Variants in ELF2 observed in about 807,000 individuals in gnomAD.
ELF2 encodes the protein ETS-related transcription factor Elf-2.
ELF2 carries 11 observed loss-of-function variants against 54.8 expected under a neutral mutation model. That is an observed-to-expected ratio of 0.20 (90% CI 0.13 to 0.33). The LOEUF (loss-of-function observed/expected upper bound fraction) is 0.33, where lower values mean the gene tolerates loss of function less well. Among genes scored for constraint, ELF2 ranks in the 10% least tolerant of loss-of-function variants. The probability of loss-of-function intolerance (pLI) is 1.00; values close to 1 mark genes in which losing one functional copy is unlikely to be tolerated. For synonymous variants in ELF2, 203 were observed against 245.1 expected, an observed-to-expected ratio of 0.83 and a Z score of 1.61; for missense variants, 513 against 703.0, an observed-to-expected ratio of 0.73 and a Z score of 3.06.
At chr4:139,130,466 T>A (rs1033166553) in intron 3 of ELF2, among the ~76,000 whole-genome samples, 1 of 152,220 alleles carries the variant, frequency 6.6e-6, no homozygotes, top group Admixed American at 6.5e-5. Flanking sequence ...CTTTTGCTCA[T>A]GTTATTTTGT....
chr4:139,102,050 C>A (rs991564022), intron 4 of ELF2: 6 of 151,792 alleles, frequency 4.0e-5, no homozygotes, highest in African/African-American at 1.5e-4. Context: ...GAAATTACCA[C>A]CTTTTAATTT....
At chr4:139,167,806 C>T (rs1560891164) in intron 1 of ELF2, among the ~76,000 whole-genome samples, 1 of 152,202 alleles carries the variant, frequency 6.6e-6, no homozygotes, top group Non-Finnish European at 1.5e-5. Context: ...AATGCCTTAA[C>T]CAGAGACATT....
At chr4:139,062,139 T>C (rs1452988115) in intron 7 of ELF2, 82 bp from the exon 8 acceptor site, 16 of 1,350,294 alleles carry the variant, frequency 1.2e-5, no homozygotes, top group Non-Finnish European at 1.6e-5. Flanking sequence ...GTGTCCTTCA[T>C]TGTATCATAA....
intron 4 of ELF2, among the ~76,000 whole-genome samples, chr4:139,107,965 G>GA (rs370955690): frequency 3.1e-4 from 42 of 137,158 alleles, no homozygotes; most frequent in Non-Finnish European, 4.0e-4. Flanking sequence ...CAGGAGAAGA[G>GA]AAAAAAAAAA....
intron 3 of ELF2, among the ~76,000 whole-genome samples, chr4:139,134,565 T>TATTG (rs1306968946): frequency 2.0e-5 from 3 of 147,862 alleles, no homozygotes; most frequent in African/African-American, 7.6e-5. Context: ...TTATTTTATG[T>TATTG]TATTTTATTT....
intron 1 of ELF2, among the ~76,000 whole-genome samples, chr4:139,144,064 C>T (rs1039821938): frequency 6.6e-6 from 1 of 151,858 alleles, no homozygotes; most frequent in South Asian, 2.1e-4. Context: ...GAACTTTTTT[C>T]AAAGAAGCAA....
chr4:139,147,758 G>A, intron 1 of ELF2, among the ~76,000 whole-genome samples: 1 of 149,812 alleles, frequency 6.7e-6, no homozygotes, highest in East Asian at 2.0e-4. Context: ...ACAGGCGTCA[G>A]CCACGGCACC....
chr4:139,122,361 C>A (rs937500886), intron 4 of ELF2, among the ~76,000 whole-genome samples: 1 of 152,134 alleles, frequency 6.6e-6, no homozygotes, highest in Non-Finnish European at 1.5e-5. Flanking sequence ...AAGAAATGAA[C>A]CTAATCCTAA....
chr4:139,164,875 TA>T (rs1247800598), intron 1 of ELF2, among the ~76,000 whole-genome samples: 2 of 152,206 alleles, frequency 1.3e-5, no homozygotes, highest in Non-Finnish European at 2.9e-5. Flanking sequence ...ATGATTTTAC[TA>T]AGAGCCATGT....
At chr4:139,101,433 CTTCTATTTTTTGGAG>C (rs1260193378) in intron 4 of ELF2, among the ~76,000 whole-genome samples, 1 of 152,194 alleles carries the variant, frequency 6.6e-6, no homozygotes, top group Non-Finnish European at 1.5e-5. Flanking sequence ...CCTTTCAGCT[CTTCTATTTTTTGGAG>C]TTCTGTTTTC....
At chr4:139,085,155 G>A (rs934946552) in intron 4 of ELF2, among the ~76,000 whole-genome samples, 2 of 152,130 alleles carry the variant, frequency 1.3e-5, no homozygotes, top group African/African-American at 2.4e-5. Flanking sequence ...AAAATACAAT[G>A]GACAAGGGAG....
At chr4:139,129,340 T>C (rs1001944278) in intron 3 of ELF2, among the ~76,000 whole-genome samples, 1 of 152,234 alleles carries the variant, frequency 6.6e-6, no homozygotes, top group African/African-American at 2.4e-5. Context: ...TCCTTTCTTT[T>C]TGCCCTATAC....
intron 4 of ELF2, among the ~76,000 whole-genome samples, chr4:139,123,560 C>T (rs1391958621): frequency 2.0e-5 from 3 of 152,044 alleles, no homozygotes; most frequent in Non-Finnish European, 4.4e-5. Context: ...TCAATTATAC[C>T]AATAATAAGA....
intron 1 of ELF2, among the ~76,000 whole-genome samples, chr4:139,157,589 G>C (rs1233101030): frequency 6.6e-6 from 1 of 151,990 alleles, no homozygotes. Context: ...ATTTTTTGCA[G>C]AGATAGGGTC....
In ELF2 at chr4:139,142,829, T is replaced by C. The variant is rs151196352; in HGVS notation, c.-251-3332A>G. Reference sequence around the variant, plus strand: ...CTGCAGTGATCCAAGATCTCTCTACTGCACTCCAGTTTGGGCGACAGAGTG... The same window carrying C: ...CTGCAGTGATCCAAGATCTCTCTACCGCACTCCAGTTTGGGCGACAGAGTG... On this transcript the variant is annotated intron_variant, in intron 1 of 9. Transcript: ENST00000686138. 5.9e-4 allele frequency among the ~76,000 whole-genome samples: 89 copies of C among 151,052 alleles called. 1 individual carries two copies. Among genetic ancestry groups the C allele is most frequent in the African/African-American group, 2.0e-3 (83 of 41,054 alleles).
intron 1 of ELF2, among the ~76,000 whole-genome samples, chr4:139,160,085 C>T (rs1740972143): frequency 1.3e-5 from 2 of 152,146 alleles, no homozygotes; most frequent in South Asian, 4.1e-4. Flanking sequence ...CGCCTGTAAT[C>T]CCAGCACTTT....
intron 2 of ELF2, 33 bp from the exon 3 acceptor site, chr4:139,137,900 A>T: frequency 7.8e-7 from 1 of 1,275,512 alleles, no homozygotes; most frequent in Middle Eastern, 2.8e-4. Flanking sequence ...AAGTTATTTT[A>T]AAAATTACAG....
At chr4:139,155,595 AAAT>A (rs1740444548) in intron 1 of ELF2, among the ~76,000 whole-genome samples, 1 of 152,174 alleles carries the variant, frequency 6.6e-6, no homozygotes, top group Non-Finnish European at 1.5e-5. Context: ...TAATAATAAT[AAAT>A]AATAATAATG....
chr4:139,173,945 C>T (rs1156569992), intron 1 of ELF2, among the ~76,000 whole-genome samples: 1 of 149,892 alleles, frequency 6.7e-6, no homozygotes, highest in Non-Finnish European at 1.5e-5. Flanking sequence ...ATAGATTAGC[C>T]GGACGCGGTG....
Sources: gnomAD v4.1 joint callset for allele counts (sites outside exome capture counted in the v4.1 genomes callset) on GRCh38, gnomAD v4.1.1 for gene constraint, MANE v1.5 for transcripts, NCBI Gene and HGNC (gene_info 2026-07-23, HGNC 2026-07-21) for gene names.